Variants in CTNND2 observed in about 807,000 individuals in gnomAD.
CTNND2 encodes the protein catenin delta-2.
A neutral mutation model predicts 144.4 loss-of-function variants in CTNND2; 22 were observed. The ratio of observed to expected loss-of-function variants is 0.15; its 90% confidence interval spans 0.11 to 0.22. The LOEUF (loss-of-function observed/expected upper bound fraction) is 0.22, where lower values mean the gene tolerates loss of function less well. Among genes scored for constraint, CTNND2 ranks in the 10% least tolerant of loss-of-function variants. The pLI, the probability that CTNND2 is intolerant of heterozygous loss-of-function variation, is 1.00. For synonymous variants in CTNND2, 751 were observed against 695.6 expected, an observed-to-expected ratio of 1.08 and a Z score of -1.25; for missense variants, 1,353 against 1,618.8, an observed-to-expected ratio of 0.84 and a Z score of 2.82.
chr5:11,754,711 C>T (rs115733972), intron 1 of CTNND2, among the ~76,000 whole-genome samples: 4 of 151,612 alleles, frequency 2.6e-5, no homozygotes, highest in Middle Eastern at 3.4e-3. Flanking sequence ...ATATGTGATG[C>T]CCTTTTTGTC....
chr5:11,539,134 G>T (rs564985698), intron 3 of CTNND2, among the ~76,000 whole-genome samples: 58 of 152,266 alleles, frequency 3.8e-4, no homozygotes, highest in African/African-American at 1.4e-3. Context: ...AAATGTCAGG[G>T]AGTCCACTCT....
At position 11,326,859 on chromosome 5, in the gene CTNND2, G is replaced by A. The variant is rs374251508; in HGVS notation, c.1628+19513C>T. ...CTAATGCAGATTCAGATCAGTAGGT[G>A]GGTGGGGGCACAGCTGGGATTCTGC... On this transcript the variant is annotated intron_variant, in intron 9 of 21. Transcript: ENST00000304623. Among the ~76,000 whole-genome samples the A allele has an allele frequency of 1.9e-4, 29 of 152,312 alleles. No individual in the cohort carries two copies. In the South Asian group the frequency reaches 5.6e-3, roughly 29 times the overall value.
intron 3 of CTNND2, among the ~76,000 whole-genome samples, chr5:11,446,882 T>A (rs1764854838): frequency 6.6e-6 from 1 of 151,970 alleles, no homozygotes; most frequent in Non-Finnish European, 1.5e-5. Context: ...AGGGGAGTGT[T>A]GGTGTTGGGC....
chr5:11,363,765 A>G (rs1735537811), intron 8 of CTNND2, among the ~76,000 whole-genome samples: 2 of 152,194 alleles, frequency 1.3e-5, no homozygotes, highest in South Asian at 2.1e-4. Flanking sequence ...TGCTCTACTT[A>G]GTGGTCACTA....
At chr5:11,771,883 A>G (rs1423866946) in intron 1 of CTNND2, among the ~76,000 whole-genome samples, 7 of 152,172 alleles carry the variant, frequency 4.6e-5, no homozygotes, top group Non-Finnish European at 1.0e-4. Context: ...CTTTTGAAAC[A>G]CTGAAAATGT....
Position 11,277,510 on chromosome 5 carries a change from A to C in CTNND2, c.1629-40687T>G, listed in dbSNP as rs1483059213. On this transcript the variant is annotated intron_variant, in intron 9 of 21. Coordinates refer to ENST00000304623, the MANE Select transcript of CTNND2 (RefSeq NM_001332.4). ...TTAAGCTTTTTAAAAATATTTATTTATTTATTTATTTATTTATTTATTTAT... is the reference window on the plus strand; with the variant it reads ...TTAAGCTTTTTAAAAATATTTATTTCTTTATTTATTTATTTATTTATTTAT... Among the ~76,000 whole-genome samples the C allele has an allele frequency of 5.5e-5, 5 of 91,060 alleles. No individual in the cohort carries two copies. The East Asian group carries it at 1.3e-3, about 23-fold the overall frequency. 59.7% of individuals were successfully genotyped at this position (91,060 alleles called of 152,430 possible). A position where few individuals can be genotyped will look rare whatever the true frequency, so the allele number is the denominator to read the frequency against.
At chr5:11,428,388 T>A (rs1762983416) in intron 3 of CTNND2, among the ~76,000 whole-genome samples, 1 of 152,192 alleles carries the variant, frequency 6.6e-6, no homozygotes, top group Non-Finnish European at 1.5e-5. Context: ...ATGTTCCAAC[T>A]GTGAGGATCT....
Position 11,011,737 on chromosome 5 carries a change from G to A in CTNND2, c.3084+6237C>T, listed in dbSNP as rs1026283235. Among the ~76,000 whole-genome samples, 8 of 152,132 alleles carry A rather than the reference G, an allele frequency of 5.3e-5. No individual in the cohort carries two copies. The South Asian group carries it at 6.2e-4, about 12-fold the overall frequency. Reference sequence around the variant, plus strand: ...CTTGTCTTCCAGGCAAGCAGTCCACGGAGAGGCAAGGGCACGGAAGCATGC... The same window carrying A: ...CTTGTCTTCCAGGCAAGCAGTCCACAGAGAGGCAAGGGCACGGAAGCATGC... On this transcript the variant is annotated intron_variant, in intron 18 of 21. Transcript: ENST00000304623.
At chr5:11,461,028 G>C (rs1766170313) in intron 3 of CTNND2, among the ~76,000 whole-genome samples, 1 of 151,422 alleles carries the variant, frequency 6.6e-6, no homozygotes, top group South Asian at 2.1e-4. Flanking sequence ...TGGCGACAGA[G>C]CGAGACTCTG....
intron 1 of CTNND2, among the ~76,000 whole-genome samples, chr5:11,783,779 G>A (rs1790685012): frequency 1.3e-5 from 2 of 152,184 alleles, no homozygotes; most frequent in African/African-American, 2.4e-5. Context: ...TAGTGTAATG[G>A]TTTTTAGATA....
chr5:11,394,035 C>A (rs1456771457), intron 6 of CTNND2, among the ~76,000 whole-genome samples: 1 of 152,074 alleles, frequency 6.6e-6, no homozygotes, highest in Non-Finnish European at 1.5e-5. Flanking sequence ...ATTTGCTGTG[C>A]AGAGGGAGCC....
chr5:11,130,711 G>A (rs905433430), intron 12 of CTNND2, among the ~76,000 whole-genome samples: 10 of 152,238 alleles, frequency 6.6e-5, no homozygotes, highest in Admixed American at 1.3e-4. Context: ...CAGTACTTGG[G>A]GAATGAGCTG....
At chr5:11,345,241 C>T (rs1326606773) in intron 9 of CTNND2, among the ~76,000 whole-genome samples, 1 of 152,118 alleles carries the variant, frequency 6.6e-6, no homozygotes, top group Admixed American at 6.5e-5. Flanking sequence ...GCTGTTGAGA[C>T]TGAAAATCTA....
intron 3 of CTNND2, among the ~76,000 whole-genome samples, chr5:11,444,533 C>G (rs1764634871): frequency 6.6e-6 from 1 of 152,080 alleles, no homozygotes; most frequent in Non-Finnish European, 1.5e-5. Flanking sequence ...AAAACCCCAT[C>G]TCTACTAAAA....
chr5:11,706,910 C>T (rs1785731112), intron 2 of CTNND2, among the ~76,000 whole-genome samples: 1 of 151,826 alleles, frequency 6.6e-6, no homozygotes, highest in South Asian at 2.1e-4. Flanking sequence ...GCGGTGAAAC[C>T]CCATCTCTAC....
At chr5:11,026,129 T>C (rs900720947) in intron 16 of CTNND2, among the ~76,000 whole-genome samples, 25 of 152,086 alleles carry the variant, frequency 1.6e-4, no homozygotes, top group Non-Finnish European at 3.2e-4. Context: ...TGGGCAGTTC[T>C]TCACAGTCCC....
At chr5:11,078,721 G>T (rs906841438) in intron 16 of CTNND2, among the ~76,000 whole-genome samples, 1 of 152,162 alleles carries the variant, frequency 6.6e-6, no homozygotes, top group Non-Finnish European at 1.5e-5. Context: ...TCAGAGAAGG[G>T]ATAGGATTTT....
chr5:11,380,692 GA>G (rs1282859469), intron 7 of CTNND2, among the ~76,000 whole-genome samples: 2 of 152,172 alleles, frequency 1.3e-5, no homozygotes, highest in African/African-American at 4.8e-5. Flanking sequence ...TTTTCCCAGA[GA>G]GTCAGAACTC....
chr5:11,375,970 G>A (rs1405156916), intron 7 of CTNND2, among the ~76,000 whole-genome samples: 1 of 152,102 alleles, frequency 6.6e-6, no homozygotes, highest in Non-Finnish European at 1.5e-5. Context: ...GGTGTTAGGA[G>A]GTGGGGCCTC....
Sources: allele counts gnomAD v4.1 joint callset (sites outside exome capture counted in the v4.1 genomes callset), GRCh38; gene constraint gnomAD v4.1.1; transcripts MANE v1.5; gene names NCBI Gene and HGNC (gene_info 2026-07-23, HGNC 2026-07-21).